CMKLR1: variants seen among roughly 807,000 people sequenced by gnomAD.
CMKLR1 encodes chemerin chemokine-like receptor 1.
Under a neutral mutation model 8.2 loss-of-function variants are expected in CMKLR1, and 6 were observed. The ratio of observed to expected loss-of-function variants is 0.73; its 90% CI spans 0.40 to 1.44. The LOEUF (loss-of-function observed/expected upper bound fraction) is 1.44. CMKLR1 is among the 40% of genes most tolerant of loss of function. The pLI is 0.02. For missense variants in CMKLR1, 429 were observed against 478.0 expected (o/e 0.90, Z 0.96); for synonymous variants, 178 against 181.2 (o/e 0.98, Z 0.14).
At chr12:108,295,834 G>A (rs1891119248) in intron 2 of CMKLR1, among the ~76,000 whole-genome samples, 1 of 152,232 alleles carries the variant, frequency 6.6e-6, no homozygotes, top group African/African-American at 2.4e-5. Flanking sequence ...TGAAGCAGAT[G>A]ACATCATGTC....
At chr12:108,319,815 C>T (rs1891817396) in intron 2 of CMKLR1, among the ~76,000 whole-genome samples, 1 of 152,130 alleles carries the variant, frequency 6.6e-6, no homozygotes, top group Admixed American at 6.6e-5. Context: ...ACAAAAACCT[C>T]CTCTCAGAAT....
At chr12:108,300,678 C>G (rs554442801) in intron 2 of CMKLR1, among the ~76,000 whole-genome samples, 1 of 152,306 alleles carries the variant, frequency 6.6e-6, no homozygotes, top group South Asian at 2.1e-4. Context: ...GGGCACATTA[C>G]TTAGCCCTCT....
In CMKLR1 at chr12:108,292,322, T is replaced by C. The variant is rs200130577; in HGVS notation, c.641A>G (p.Tyr214Cys). ...GACAGTCACCACCATGTGCCGGCTA[T>C]ACCCCACAGGGTCCATTTGGGAGTG... ...PTHSQMDPVGYSRHMVVTVTR... is the reference protein window; with the variant it reads ...PTHSQMDPVGCSRHMVVTVTR... The change falls in exon 4 of 4, where the codon TAT (tyrosine) becomes TGT (cysteine). Residue 214 changes from tyrosine to cysteine, a missense_variant. Transcript: ENST00000550402. 77 of 1,614,142 alleles carry C rather than the reference T, an allele frequency of 4.8e-5. No homozygotes were observed. The highest frequency in any genetic ancestry group is 6.0e-5 in the Non-Finnish European group (71 of 1,180,032).
chr12:108,320,083 C>G (rs1338375454), intron 2 of CMKLR1, among the ~76,000 whole-genome samples: 1 of 152,070 alleles, frequency 6.6e-6, no homozygotes, highest in African/African-American at 2.4e-5. Context: ...GGGAAGGCTG[C>G]CTGGACACAG....
intron 2 of CMKLR1, among the ~76,000 whole-genome samples, chr12:108,328,998 G>GC (rs1892045097): frequency 6.6e-6 from 1 of 152,158 alleles, no homozygotes; most frequent in African/African-American, 2.4e-5. Flanking sequence ...AATCAAGAAA[G>GC]CCCCCAGTGG....
At chr12:108,300,448 T>C (rs1250889410) in intron 2 of CMKLR1, among the ~76,000 whole-genome samples, 1 of 151,464 alleles carries the variant, frequency 6.6e-6, no homozygotes, top group Non-Finnish European at 1.5e-5. Context: ...CTCTAGTGCA[T>C]TACCCAGAAT....
intron 2 of CMKLR1, among the ~76,000 whole-genome samples, chr12:108,303,856 G>A (rs2137307135): frequency 6.6e-6 from 1 of 152,338 alleles, no homozygotes; most frequent in South Asian, 2.1e-4. Flanking sequence ...GAAGCCTTTG[G>A]AGGCGGGGAT....
chr12:108,302,860 T>A (rs4964242), intron 2 of CMKLR1, among the ~76,000 whole-genome samples: 13 of 152,020 alleles, frequency 8.6e-5, no homozygotes, highest in African/African-American at 2.7e-4. Flanking sequence ...ATAGGGCTAC[T>A]GGGAAATGAG....
chr12:108,297,216 G>A (rs975980790), intron 2 of CMKLR1, among the ~76,000 whole-genome samples: 2 of 152,038 alleles, frequency 1.3e-5, no homozygotes, highest in Non-Finnish European at 2.9e-5. Flanking sequence ...AGACCTTTGT[G>A]GTGACCCACT....
At chr12:108,318,010 T>G (rs1011392904) in intron 2 of CMKLR1, 2 of 152,210 alleles carry the variant, frequency 1.3e-5, no homozygotes, top group Non-Finnish European at 2.9e-5. Flanking sequence ...TAACAATATC[T>G]CTTGGTGATG....
chr12:108,300,616 C>G (rs986697569), intron 2 of CMKLR1, among the ~76,000 whole-genome samples: 4 of 152,094 alleles, frequency 2.6e-5, no homozygotes, highest in African/African-American at 9.7e-5. Context: ...ATATTGCTTC[C>G]CATCCATCAG....
rs545745471 is a variant in CMKLR1, at chr12:108,290,773, C to A, written c.*1068G>T. The A allele has an allele frequency of 1.4e-4, 21 of 152,400 alleles. No homozygotes were observed. The highest frequency in any genetic ancestry group is 4.3e-4 in the African/African-American group (18 of 41,594). 9.4% of individuals were successfully genotyped at this position (152,400 alleles called of 1,614,324 possible). Reference sequence around the variant, plus strand: ...CAAGGAGTCCAGCTCCAGACTCTGTCTCAAGTGACTGAGTCCTCGGACATA... The same window carrying A: ...CAAGGAGTCCAGCTCCAGACTCTGTATCAAGTGACTGAGTCCTCGGACATA... On this transcript the variant is annotated 3_prime_UTR_variant, in exon 4 of 4. Coordinates refer to ENST00000550402, the MANE Select transcript of CMKLR1 (RefSeq NM_001142343.2).
chr12:108,314,770 T>G (rs1226062100), intron 2 of CMKLR1, among the ~76,000 whole-genome samples: 1 of 152,100 alleles, frequency 6.6e-6, no homozygotes, highest in African/African-American at 2.4e-5. Context: ...ATTATTTTAA[T>G]TTTTGGAGAT....
At chr12:108,300,259 C>A (rs1377377140) in intron 2 of CMKLR1, among the ~76,000 whole-genome samples, 1 of 152,180 alleles carries the variant, frequency 6.6e-6, no homozygotes. Flanking sequence ...GGGAACACGG[C>A]CTTTTACAAG....
chr12:108,331,669 G>A (rs1249142535), intron 1 of CMKLR1, among the ~76,000 whole-genome samples: 1 of 152,184 alleles, frequency 6.6e-6, no homozygotes, highest in Non-Finnish European at 1.5e-5. Context: ...TTACCCAGGT[G>A]AGCTCAGCGT....
In CMKLR1 at chr12:108,307,769, C is replaced by G. The variant is rs530169105; in HGVS notation, c.-73-14105G>C. Among the ~76,000 whole-genome samples, 3 of 152,338 alleles carry G rather than the reference C, an allele frequency of 2.0e-5. No individual in the cohort carries two copies. In the East Asian group the frequency reaches 5.8e-4, roughly 29 times the overall value. ...AACCAAGCTATTGTCTGGCCTCAGTCGGGACAGGGCATTAACACCTAACAA... is the reference window on the plus strand; with the variant it reads ...AACCAAGCTATTGTCTGGCCTCAGTGGGGACAGGGCATTAACACCTAACAA... On this transcript the variant is annotated intron_variant, in intron 2 of 3. Coordinates refer to ENST00000550402, the MANE Select transcript of CMKLR1 (RefSeq NM_001142343.2).
At chr12:108,314,363 G>A (rs1230360687) in intron 2 of CMKLR1, among the ~76,000 whole-genome samples, 1 of 152,130 alleles carries the variant, frequency 6.6e-6, no homozygotes, top group Non-Finnish European at 1.5e-5. Flanking sequence ...AACCCACTCA[G>A]GGGAATAGTA....
At chr12:108,337,683 T>C (rs1010567193) in intron 1 of CMKLR1, among the ~76,000 whole-genome samples, 3 of 152,146 alleles carry the variant, frequency 2.0e-5, no homozygotes, top group African/African-American at 7.2e-5. Context: ...GTTAAGGTTA[T>C]CTGTTCCCTG....
chr12:108,309,979 T>C (rs987283922), intron 2 of CMKLR1, among the ~76,000 whole-genome samples: 5 of 152,160 alleles, frequency 3.3e-5, no homozygotes, highest in African/African-American at 1.2e-4. Context: ...TGTTGGTCAC[T>C]GAGTGTGTGG....
Sources: allele counts gnomAD v4.1 joint callset (sites outside exome capture counted in the v4.1 genomes callset), GRCh38; gene constraint gnomAD v4.1.1; transcripts MANE v1.5; gene names NCBI Gene and HGNC (gene_info 2026-07-23, HGNC 2026-07-21).